Variants in EYS observed in about 807,000 individuals in gnomAD.
EYS encodes the protein protein eyes shut homolog.
Under a neutral mutation model 282.1 loss-of-function variants are expected in EYS, and 250 were observed. The ratio of observed to expected loss-of-function variants is 0.89; its 90% CI spans 0.80 to 0.98. EYS has a LOEUF of 0.98. Ranked by LOEUF, EYS falls within the 50% of genes least tolerant of loss-of-function variation. EYS has a pLI of 0.00. For missense variants in EYS, 4,016 were observed against 3,709.0 expected, an observed-to-expected ratio of 1.08 and a Z score of -2.15; for synonymous variants, 1,355 against 1,282.9, an observed-to-expected ratio of 1.06 and a Z score of -1.20.
chr6:64,502,046 G>A (rs1383665212), intron 26 of EYS, among the ~76,000 whole-genome samples: 1 of 152,144 alleles, frequency 6.6e-6, no homozygotes, highest in Non-Finnish European at 1.5e-5. Flanking sequence ...AATGTCAAAT[G>A]AGTAAATGCA....
chr6:65,177,728 A>T (rs1765261815), intron 12 of EYS, among the ~76,000 whole-genome samples: 1 of 151,872 alleles, frequency 6.6e-6, no homozygotes, highest in African/African-American at 2.4e-5. Context: ...GGCAAATTTT[A>T]TACATAATCT....
chr6:64,771,919 T>G (rs1264801693), intron 22 of EYS, among the ~76,000 whole-genome samples: 1 of 151,784 alleles, frequency 6.6e-6, no homozygotes, highest in African/African-American at 2.4e-5. Flanking sequence ...CTATCTTTTG[T>G]ATTCAGAGAG....
intron 19 of EYS, among the ~76,000 whole-genome samples, chr6:64,859,234 T>G (rs1198383892): frequency 6.8e-6 from 1 of 147,760 alleles, no homozygotes; most frequent in Non-Finnish European, 1.5e-5. Flanking sequence ...ATATTTATAT[T>G]TATTAAATAT....
In EYS at chr6:65,665,946, T is replaced by C. The variant is rs553740353; in HGVS notation, c.-447-26054A>G. ...TGTCAAACTTCTCTCTTGTGCCTGA[T>C]GGTTTCCAATTCAAAACATGGTAAT... On this transcript the variant is annotated intron_variant, in intron 1 of 42. Coordinates refer to ENST00000503581, the MANE Select transcript of EYS (RefSeq NM_001142800.2). 1.1e-4 allele frequency among the ~76,000 whole-genome samples: 16 copies of C among 152,148 alleles called. 1 individual carries two copies. The South Asian group carries it at 3.1e-3, about 30-fold the overall frequency.
At chr6:63,967,732 T>G (rs1008967600) in intron 35 of EYS, among the ~76,000 whole-genome samples, 1 of 152,212 alleles carries the variant, frequency 6.6e-6, no homozygotes, top group African/African-American at 2.4e-5. Context: ...GGCTGCTTGT[T>G]GAAATCAGCC....
intron 41 of EYS, among the ~76,000 whole-genome samples, chr6:63,742,345 G>T (rs921660796): frequency 9.9e-5 from 15 of 152,094 alleles, no homozygotes; most frequent in African/African-American, 3.6e-4. Flanking sequence ...TTGGCTTTAA[G>T]CTACTTTGGA....
chr6:64,564,240 A>G (rs1198189603), intron 26 of EYS, among the ~76,000 whole-genome samples: 2 of 125,694 alleles, frequency 1.6e-5, no homozygotes, highest in African/African-American at 3.0e-5. Context: ...CCTTTTCTCC[A>G]TATCCTCATC....
intron 26 of EYS, among the ~76,000 whole-genome samples, chr6:64,458,013 AT>A (rs995355130): frequency 6.6e-6 from 1 of 152,036 alleles, no homozygotes; most frequent in Admixed American, 6.6e-5. Context: ...GTTATAATAG[AT>A]TATTTTAATG....
chr6:64,928,751 A>C (rs754989893), intron 15 of EYS, among the ~76,000 whole-genome samples: 2 of 152,120 alleles, frequency 1.3e-5, no homozygotes, highest in Non-Finnish European at 1.5e-5. Flanking sequence ...TTGACAAATA[A>C]TAAGGCAACA....
chr6:64,425,278 T>C (rs561986525), intron 28 of EYS, among the ~76,000 whole-genome samples: 2 of 152,196 alleles, frequency 1.3e-5, no homozygotes, highest in East Asian at 1.9e-4. Context: ...TGATGTAATA[T>C]GTTTTTTTAA....
intron 5 of EYS, among the ~76,000 whole-genome samples, chr6:65,438,126 A>C (rs1768153006): frequency 6.6e-6 from 1 of 150,762 alleles, no homozygotes; most frequent in Non-Finnish European, 1.5e-5. Context: ...TTGTCTTTGC[A>C]ATAGTTTGCT....
intron 21 of EYS, 22 bp from the exon 22 acceptor site, chr6:64,813,599 C>T: frequency 6.8e-7 from 1 of 1,463,430 alleles, no homozygotes; most frequent in Non-Finnish European, 9.3e-7. Context: ...AATAGAGAAT[C>T]AAATTTGATT....
At chr6:64,315,070 C>G (rs1769892130) in intron 29 of EYS, among the ~76,000 whole-genome samples, 1 of 151,850 alleles carries the variant, frequency 6.6e-6, no homozygotes, top group Non-Finnish European at 1.5e-5. Flanking sequence ...CAAATAGACA[C>G]AATAAAAAAT....
intron 13 of EYS, 142 bp from the exon 14 acceptor site, chr6:64,997,845 C>T (rs1238110312): frequency 1.5e-6 from 1 of 648,094 alleles, no homozygotes; most frequent in Non-Finnish European, 2.4e-6. Context: ...TAATCGATTA[C>T]ATAGTCATCT....
At chr6:63,889,141 T>A (rs1006137585) in intron 35 of EYS, among the ~76,000 whole-genome samples, 1 of 152,026 alleles carries the variant, frequency 6.6e-6, no homozygotes, top group Non-Finnish European at 1.5e-5. Context: ...TGGGACTATG[T>A]GAAAAGACCA....
intron 33 of EYS, among the ~76,000 whole-genome samples, chr6:64,024,389 G>C (rs1292275770): frequency 6.6e-6 from 1 of 151,946 alleles, no homozygotes; most frequent in Non-Finnish European, 1.5e-5. Flanking sequence ...TGGGGACTTG[G>C]AGAACATCTG....
intron 2 of EYS, among the ~76,000 whole-genome samples, chr6:65,573,350 G>T (rs1764546963): frequency 6.6e-6 from 1 of 152,124 alleles, no homozygotes; most frequent in South Asian, 2.1e-4. Context: ...CAGCTACATG[G>T]TCGGAACCAC....
chr6:63,827,991 T>C (rs568710847), intron 36 of EYS, among the ~76,000 whole-genome samples: 2 of 152,270 alleles, frequency 1.3e-5, no homozygotes, highest in African/African-American at 4.8e-5. Flanking sequence ...AGAATGAGTA[T>C]TTGATAAAAA....
chr6:65,686,529 C>G, intron 1 of EYS, among the ~76,000 whole-genome samples: 1 of 152,058 alleles, frequency 6.6e-6, no homozygotes, highest in East Asian at 1.9e-4. Context: ...CACACAAACA[C>G]ATACGAATAC....
Sources: gnomAD v4.1 joint callset for allele counts (sites outside exome capture counted in the v4.1 genomes callset) on GRCh38, gnomAD v4.1.1 for gene constraint, MANE v1.5 for transcripts, NCBI Gene and HGNC (gene_info 2026-07-23, HGNC 2026-07-21) for gene names.